Variants in KCNAB1 observed in about 807,000 individuals in gnomAD.
KCNAB1 encodes potassium voltage-gated channel subfamily A regulatory beta subunit 1, also known as voltage-gated potassium channel subunit beta-1.
Under a neutral mutation model 64.6 loss-of-function variants are expected in KCNAB1, and 35 were observed. The ratio of observed to expected loss-of-function variants is 0.54; its 90% CI spans 0.41 to 0.72. KCNAB1 has a LOEUF of 0.72. Ranked by LOEUF, KCNAB1 falls within the 30% of genes least tolerant of loss-of-function variation. The pLI is 0.00. For synonymous variants in KCNAB1, 177 were observed against 183.8 expected (o/e 0.96, Z 0.30); for missense variants, 401 against 512.9 (o/e 0.78, Z 2.11).
In KCNAB1 at chr3:156,538,217, T is replaced by G. The variant is rs1719197217; in HGVS notation, c.*1470T>G. On this transcript the variant is annotated 3_prime_UTR_variant, in exon 14 of 14. Transcript: ENST00000490337. The stretch of plus-strand genomic sequence containing the variant: ...TTTGGCTATCTGAGGATGTACAAAA[T>G]TCTCATTTAATTTTCTGGTCAGCAA... 1.3e-5 allele frequency: 2 copies of G among 152,064 alleles called. No homozygotes were observed. The highest frequency in any genetic ancestry group is 2.4e-5 in the African/African-American group (1 of 41,382). 9.4% of individuals were successfully genotyped at this position (152,064 alleles called of 1,614,324 possible).
At chr3:156,340,989 G>C (rs764868517) in intron 1 of KCNAB1, among the ~76,000 whole-genome samples, 11 of 152,008 alleles carry the variant, frequency 7.2e-5, no homozygotes, top group Non-Finnish European at 1.6e-4. Context: ...TGGTTTTATC[G>C]AATGACTATC....
At chr3:156,279,654 C>G (rs1361501537) in intron 1 of KCNAB1, among the ~76,000 whole-genome samples, 1 of 152,100 alleles carries the variant, frequency 6.6e-6, no homozygotes, top group Non-Finnish European at 1.5e-5. Context: ...CTAATGATTG[C>G]CATTCTAACT....
At chr3:156,448,929 C>T (rs1711789614) in intron 2 of KCNAB1, among the ~76,000 whole-genome samples, 2 of 151,956 alleles carry the variant, frequency 1.3e-5, no homozygotes, top group South Asian at 4.2e-4. Context: ...GATGCAAAGA[C>T]GAATGAAATA....
intron 1 of KCNAB1, among the ~76,000 whole-genome samples, chr3:156,195,355 C>T (rs865853681): frequency 2.0e-4 from 31 of 152,264 alleles, no homozygotes; most frequent in Middle Eastern, 6.8e-3. Flanking sequence ...CTTGAGGAAT[C>T]GCCACACTGT....
At chr3:156,125,136 C>CA (rs563938669) in intron 1 of KCNAB1, among the ~76,000 whole-genome samples, 5,654 of 132,524 alleles carry the variant, frequency 0.043, 327 homozygotes, top group African/African-American at 0.14. Flanking sequence ...ACACTCCACT[C>CA]AAAAAAAAAA....
At chr3:156,531,642 A>T in intron 13 of KCNAB1, 145 bp downstream of exon 13, 1 of 685,154 alleles carries the variant, frequency 1.5e-6, no homozygotes, top group East Asian at 2.6e-5. Context: ...TTCCCAGTAC[A>T]TGGATCCAGG....
At chr3:156,261,839 G>A (rs1453312642) in intron 1 of KCNAB1, among the ~76,000 whole-genome samples, 1 of 151,952 alleles carries the variant, frequency 6.6e-6, no homozygotes, top group Non-Finnish European at 1.5e-5. Context: ...TTGCCATCTT[G>A]ACAATATTGA....
chr3:156,366,711 C>T (rs1725966419), intron 1 of KCNAB1, among the ~76,000 whole-genome samples: 1 of 152,208 alleles, frequency 6.6e-6, no homozygotes, highest in Non-Finnish European at 1.5e-5. Context: ...ACCACCTAAG[C>T]CATGTTTAGA....
At chr3:156,185,053 CAGAA>C (rs1210225917) in intron 1 of KCNAB1, among the ~76,000 whole-genome samples, 1 of 152,210 alleles carries the variant, frequency 6.6e-6, no homozygotes, top group Non-Finnish European at 1.5e-5. Context: ...CAAGGCCACA[CAGAA>C]AGAAAGTGGT....
chr3:156,195,759 T>G (rs1386015526), intron 1 of KCNAB1, among the ~76,000 whole-genome samples: 1 of 152,222 alleles, frequency 6.6e-6, no homozygotes, highest in African/African-American at 2.4e-5. Context: ...CTGATGATAG[T>G]TTCTTTTGCT....
chr3:156,293,812 C>G (rs1720610298), intron 1 of KCNAB1, among the ~76,000 whole-genome samples: 1 of 152,198 alleles, frequency 6.6e-6, no homozygotes, highest in Admixed American at 6.5e-5. Context: ...GCTGCTGTGG[C>G]ACACACGCAG....
intron 1 of KCNAB1, among the ~76,000 whole-genome samples, chr3:156,311,782 G>A (rs1430370838): frequency 1.3e-5 from 2 of 152,222 alleles, no homozygotes; most frequent in Non-Finnish European, 2.9e-5. Context: ...GTGGGGCTAA[G>A]GGACACATCA....
In KCNAB1 at chr3:156,516,463, G is replaced by A. The variant is rs534543394; in HGVS notation, c.960+99G>A. On this transcript the variant is annotated intron_variant, in intron 11 of 13. Coordinates refer to ENST00000490337, the MANE Select transcript of KCNAB1 (RefSeq NM_172160.3). ...AGCAGCCTAGGGCTTCCCAGCTCAG[G>A]CTGACTGTGTTGTCCAGGCCAGTGG... 2.9e-3 allele frequency: 2,549 copies of A among 882,670 alleles called. 9 individuals carry two copies. The highest frequency in any genetic ancestry group is 4.1e-3 in the Non-Finnish European group (2,145 of 529,162). 54.7% of individuals were successfully genotyped at this position (882,670 alleles called of 1,614,324 possible).
intron 1 of KCNAB1, chr3:156,143,569 G>GTTGTTTTTTTTTTTTTTTTTTTTT (rs1443482013): frequency 3.6e-6 from 1 of 281,598 alleles, no homozygotes; most frequent in African/African-American, 2.9e-5. Context: ...TTGCATTCTT[G>GTTGTTTTTTTTTTTTTTTTTTTTT]TTTTTTTTTT....
intron 1 of KCNAB1, among the ~76,000 whole-genome samples, chr3:156,144,166 C>T (rs1714904411): frequency 6.6e-6 from 1 of 151,996 alleles, no homozygotes; most frequent in Non-Finnish European, 1.5e-5. Flanking sequence ...TTTAAACAGC[C>T]CAGAAGCTGA....
intron 1 of KCNAB1, among the ~76,000 whole-genome samples, chr3:156,239,017 A>C (rs1311815570): frequency 2.0e-5 from 3 of 152,202 alleles, no homozygotes; most frequent in Non-Finnish European, 2.9e-5. Context: ...CGTTACCTTT[A>C]CTCAGAGATA....
intron 1 of KCNAB1, among the ~76,000 whole-genome samples, chr3:156,338,376 T>A (rs1476140828): frequency 7.5e-6 from 1 of 134,126 alleles, no homozygotes; most frequent in East Asian, 2.4e-4. Context: ...AATGGCACAA[T>A]CTCAGCTCAC....
At chr3:156,281,111 T>C (rs1481748969) in intron 1 of KCNAB1, among the ~76,000 whole-genome samples, 2 of 150,216 alleles carry the variant, frequency 1.3e-5, no homozygotes, top group East Asian at 2.0e-4. Flanking sequence ...TTGTCATAGA[T>C]AGCTCTTATT....
At chr3:156,504,148 A>G (rs755804259) in intron 8 of KCNAB1, among the ~76,000 whole-genome samples, 17 of 152,170 alleles carry the variant, frequency 1.1e-4, no homozygotes, top group Non-Finnish European at 1.5e-5. Context: ...CATATGAGTG[A>G]GATAAATATG....
Sources: allele counts gnomAD v4.1 joint callset (sites outside exome capture counted in the v4.1 genomes callset), GRCh38; gene constraint gnomAD v4.1.1; transcripts MANE v1.5; gene names NCBI Gene and HGNC (gene_info 2026-07-23, HGNC 2026-07-21).